SORCS1: variants seen among roughly 807,000 people sequenced by gnomAD.
SORCS1 encodes the protein sortilin related VPS10 domain containing receptor 1, also known as VPS10 domain-containing receptor SorCS1.
SORCS1 carries 60 observed loss-of-function variants against 146.1 expected under a neutral mutation model. The observed-to-expected ratio is 0.41, with a 90% CI of 0.33 to 0.51. The LOEUF (loss-of-function observed/expected upper bound fraction) is 0.51. SORCS1 is among the 20% of genes least tolerant of loss of function. SORCS1 has a pLI of 0.21. For synonymous variants in SORCS1, 637 were observed against 584.0 expected (o/e 1.09, Z -1.31); for missense variants, 1,352 against 1,487.6 (o/e 0.91, Z 1.50).
At chr10:106,924,270 A>AAT (rs60551348) in intron 2 of SORCS1, among the ~76,000 whole-genome samples, 69,636 of 147,380 alleles carry the variant, frequency 0.47, 19,314 homozygotes, top group Non-Finnish European at 0.62. Flanking sequence ...AAAAAAAAAA[A>AAT]CTACCTTTTA....
At chr10:106,966,494 T>C (rs758069905) in intron 1 of SORCS1, among the ~76,000 whole-genome samples, 2 of 152,204 alleles carry the variant, frequency 1.3e-5, no homozygotes, top group Non-Finnish European at 2.9e-5. Context: ...TTTAATGTCA[T>C]GTTTATTTAT....
intron 1 of SORCS1, among the ~76,000 whole-genome samples, chr10:107,046,234 G>A (rs1959417612): frequency 6.6e-6 from 1 of 152,162 alleles, no homozygotes; most frequent in East Asian, 1.9e-4. Context: ...GGGAGCCACT[G>A]TGCTCGGCCA....
At chr10:106,928,882 T>C (rs1348857527) in intron 2 of SORCS1, among the ~76,000 whole-genome samples, 1 of 147,746 alleles carries the variant, frequency 6.8e-6, no homozygotes, top group African/African-American at 2.5e-5. Flanking sequence ...ACTTTCTGTA[T>C]TTTTCCATTT....
intron 1 of SORCS1, among the ~76,000 whole-genome samples, chr10:107,093,971 C>T (rs951659580): frequency 6.6e-6 from 1 of 152,182 alleles, no homozygotes; most frequent in East Asian, 1.9e-4. Flanking sequence ...CAGAAGCACA[C>T]ATAGCTCACT....
At chr10:106,607,047 T>C (rs1846649933) in intron 23 of SORCS1, 119 bp downstream of exon 23, 1 of 1,346,958 alleles carries the variant, frequency 7.4e-7, no homozygotes, top group African/African-American at 1.5e-5. Flanking sequence ...CTCTTGCATG[T>C]GCTTTTGGTG....
At chr10:106,702,811 G>A (rs566034197) in intron 8 of SORCS1, among the ~76,000 whole-genome samples, 160 of 152,152 alleles carry the variant, frequency 1.1e-3, no homozygotes, top group Middle Eastern at 3.4e-3. Context: ...TGCTTTAACC[G>A]AATCACAGAA....
intron 5 of SORCS1, among the ~76,000 whole-genome samples, chr10:106,741,792 CAGGG>C (rs1857384544): frequency 3.3e-5 from 5 of 152,058 alleles, no homozygotes; most frequent in Non-Finnish European, 7.4e-5. Context: ...CCTTAAATAG[CAGGG>C]TTTCTAAGTT....
At chr10:107,162,218 T>A (rs1969765545) in intron 1 of SORCS1, among the ~76,000 whole-genome samples, 1 of 152,178 alleles carries the variant, frequency 6.6e-6, no homozygotes, top group Non-Finnish European at 1.5e-5. Flanking sequence ...AATGGGTGAG[T>A]GATATTTTAC....
intron 3 of SORCS1, among the ~76,000 whole-genome samples, chr10:106,784,148 C>T (rs887161272): frequency 3.9e-5 from 6 of 152,206 alleles, no homozygotes; most frequent in African/African-American, 1.4e-4. Context: ...GTAATCCCAG[C>T]ACTTTGGGAG....
intron 1 of SORCS1, among the ~76,000 whole-genome samples, chr10:107,025,568 A>C (rs889605451): frequency 6.6e-6 from 1 of 152,386 alleles, no homozygotes; most frequent in Non-Finnish European, 1.5e-5. Context: ...GAAGCAAATC[A>C]GATACACTGG....
intron 1 of SORCS1, among the ~76,000 whole-genome samples, chr10:107,134,370 G>T (rs1312030392): frequency 6.6e-6 from 1 of 152,172 alleles, no homozygotes; most frequent in Non-Finnish European, 1.5e-5. Flanking sequence ...CAGGCGCGGT[G>T]GCTCAAGCCT....
At chr10:107,050,678 T>A (rs1960018342) in intron 1 of SORCS1, among the ~76,000 whole-genome samples, 1 of 152,152 alleles carries the variant, frequency 6.6e-6, no homozygotes. Context: ...TTCCAAGAAA[T>A]GGATCAATGG....
At chr10:106,989,079 T>A (rs188456293) in intron 1 of SORCS1, among the ~76,000 whole-genome samples, 40 of 146,504 alleles carry the variant, frequency 2.7e-4, no homozygotes, top group South Asian at 6.6e-4. Context: ...ACCAACATAG[T>A]GCAACCCTGC....
chr10:107,084,938 C>A (rs555048090), intron 1 of SORCS1, among the ~76,000 whole-genome samples: 12 of 152,294 alleles, frequency 7.9e-5, no homozygotes, highest in African/African-American at 2.9e-4. Context: ...CATTGATGAT[C>A]TACCAGATAT....
chr10:106,696,251 C>T (rs1853696645), intron 9 of SORCS1, among the ~76,000 whole-genome samples: 1 of 152,168 alleles, frequency 6.6e-6, no homozygotes, highest in African/African-American at 2.4e-5. Context: ...CATCTTTGCT[C>T]CTTAGTAATT....
chr10:106,950,892 C>A (rs1954643735), intron 2 of SORCS1, among the ~76,000 whole-genome samples: 1 of 151,996 alleles, frequency 6.6e-6, no homozygotes, highest in Admixed American at 6.6e-5. Context: ...AGTGAATACC[C>A]AATAAAGGTT....
At chr10:106,739,634 C>T (rs1054106978) in intron 5 of SORCS1, among the ~76,000 whole-genome samples, 5 of 151,686 alleles carry the variant, frequency 3.3e-5, no homozygotes, top group East Asian at 1.9e-4. Context: ...GATGAAACCC[C>T]GTCTCTACTA....
chr10:106,929,006 T>G (rs1953246349), intron 2 of SORCS1, among the ~76,000 whole-genome samples: 1 of 151,856 alleles, frequency 6.6e-6, no homozygotes. Context: ...TGCAGTTACA[T>G]GCAATTAAAG....
chr10:106,726,256 T>C (rs562807477), intron 6 of SORCS1, among the ~76,000 whole-genome samples: 2 of 128,420 alleles, frequency 1.6e-5, no homozygotes, highest in Non-Finnish European at 3.1e-5. Context: ...AAACAATTGG[T>C]AGATTTTTTT....
Sources: gnomAD v4.1 joint callset for allele counts (sites outside exome capture counted in the v4.1 genomes callset) on GRCh38, gnomAD v4.1.1 for gene constraint, MANE v1.5 for transcripts, NCBI Gene and HGNC (gene_info 2026-07-23, HGNC 2026-07-21) for gene names.